RTL4: variants seen among roughly 807,000 people sequenced by gnomAD.
The protein encoded by RTL4 is retrotransposon Gag like 4, also known as retrotransposon Gag-like protein 4.
In RTL4, 4 loss-of-function variants were observed where a neutral mutation model predicts 5.3. That is an observed-to-expected ratio of 0.75 (90% CI 0.37 to 1.72). The LOEUF (loss-of-function observed/expected upper bound fraction) is 1.72, where lower values mean the gene tolerates loss of function less well. Ranked by LOEUF, RTL4 falls within the 40% of genes most tolerant of loss-of-function variation. The pLI is 0.04. For synonymous variants in RTL4, 98 were observed against 87.3 expected (o/e 1.12, Z -0.68); for missense variants, 260 against 227.1 (o/e 1.14, Z -0.93).
the RTL4 span, among the ~76,000 whole-genome samples, chrX:112,353,604 G>A: frequency 7.4e-3 from 812 of 110,414 alleles, 11 homozygotes; most frequent in African/African-American, 0.026. Context: ...AACACCGCAT[G>A]TTCTCACTCA....
At chrX:112,327,925 G>A in the RTL4 span, among the ~76,000 whole-genome samples, 1 of 109,135 alleles carries the variant, frequency 9.2e-6, no homozygotes, top group Non-Finnish European at 1.9e-5. Context: ...AATTGAAGGA[G>A]AAATAAAATA....
At chrX:112,219,948 G>C in the RTL4 span, among the ~76,000 whole-genome samples, 1 of 111,425 alleles carries the variant, frequency 9.0e-6, no homozygotes, top group African/African-American at 3.3e-5. Flanking sequence ...TGTTCTTTAG[G>C]CTTGATTAAC....
At chrX:112,198,577 TATTATTCAATA>T in the RTL4 span, among the ~76,000 whole-genome samples, 1 of 111,761 alleles carries the variant, frequency 8.9e-6, no homozygotes, top group African/African-American at 3.3e-5. Context: ...TTTTGTCCTC[TATTATTCAATA>T]GTTCTGTGAA....
chrX:112,317,745 A>C, the RTL4 span, among the ~76,000 whole-genome samples: 1 of 111,920 alleles, frequency 8.9e-6, no homozygotes, highest in African/African-American at 3.3e-5. Context: ...GCACTTTTAC[A>C]TCCATCTTAT....
chrX:112,385,813 TTTTGC>T, the RTL4 span, among the ~76,000 whole-genome samples: 1 of 111,823 alleles, frequency 8.9e-6, no homozygotes, highest in Middle Eastern at 4.2e-3. Flanking sequence ...CAAAAAAAAA[TTTTGC>T]TCCAGATTAT....
the RTL4 span, among the ~76,000 whole-genome samples, chrX:112,318,050 C>T: frequency 8.9e-6 from 1 of 111,925 alleles, no homozygotes; most frequent in Admixed American, 9.5e-5. Context: ...TATTGATCAT[C>T]GTGTGTGTGT....
the RTL4 span, among the ~76,000 whole-genome samples, chrX:112,138,232 C>A: frequency 9.0e-6 from 1 of 111,643 alleles, no homozygotes. Context: ...ATGGCGGTAG[C>A]CAGGGGATTG....
chrX:112,301,026 G>A, the RTL4 span, among the ~76,000 whole-genome samples: 5 of 111,522 alleles, frequency 4.5e-5, no homozygotes, highest in Non-Finnish European at 1.9e-5. Context: ...AGAGTTAGGG[G>A]TTGCGTCTCG....
At chrX:112,228,421 T>C in the RTL4 span, among the ~76,000 whole-genome samples, 2 of 112,455 alleles carry the variant, frequency 1.8e-5, no homozygotes, top group Non-Finnish European at 3.7e-5. Flanking sequence ...TTTTAAAACA[T>C]TTGATTGACA....
the RTL4 span, among the ~76,000 whole-genome samples, chrX:112,165,713 C>A: frequency 9.0e-6 from 1 of 111,541 alleles, no homozygotes; most frequent in African/African-American, 3.3e-5. Flanking sequence ...CAGGTAACAG[C>A]CAAAAGAGAC....
chrX:112,253,382 G>A, the RTL4 span, among the ~76,000 whole-genome samples: 4 of 112,312 alleles, frequency 3.6e-5, no homozygotes, highest in South Asian at 3.7e-4. Context: ...TTAAAAATGC[G>A]TGGGGCTGTT....
At chrX:112,245,251 G>A in the RTL4 span, among the ~76,000 whole-genome samples, 1 of 111,354 alleles carries the variant, frequency 9.0e-6, no homozygotes, top group Non-Finnish European at 1.9e-5. Context: ...TGCCTTGCTA[G>A]GTTGGGGAAG....
the RTL4 span, among the ~76,000 whole-genome samples, chrX:112,406,561 C>T: frequency 9.0e-6 from 1 of 111,384 alleles, no homozygotes; most frequent in African/African-American, 3.3e-5. Flanking sequence ...CCATGCCCCC[C>T]CTCCAACACT....
the RTL4 span, among the ~76,000 whole-genome samples, chrX:112,434,711 G>A: frequency 3.6e-5 from 4 of 111,322 alleles, no homozygotes; most frequent in East Asian, 1.1e-3. Context: ...CTTCTTACCT[G>A]CTGGACCAGA....
At chrX:112,445,829 C>A in the RTL4 span, among the ~76,000 whole-genome samples, 1 of 111,796 alleles carries the variant, frequency 8.9e-6, no homozygotes, top group Admixed American at 9.6e-5. Flanking sequence ...AATGAACAAC[C>A]TTCTGTGGTG....
At chrX:112,165,720 AG>A in the RTL4 span, among the ~76,000 whole-genome samples, 3 of 111,816 alleles carry the variant, frequency 2.7e-5, no homozygotes, top group South Asian at 1.1e-3. Flanking sequence ...CAGCCAAAAG[AG>A]ACCTTTTAGG....
the RTL4 span, among the ~76,000 whole-genome samples, chrX:112,138,578 A>G: frequency 9.0e-6 from 1 of 110,889 alleles, no homozygotes; most frequent in Non-Finnish European, 1.9e-5. Flanking sequence ...ATACCTCAGT[A>G]AAGTGTTTTT....
chrX:112,097,754 G>A, the RTL4 span, among the ~76,000 whole-genome samples: 1 of 111,360 alleles, frequency 9.0e-6, no homozygotes, highest in Non-Finnish European at 1.9e-5. Flanking sequence ...ATGACAATGA[G>A]CACTTCTGGC....
chrX:112,083,112 C>A, the RTL4 span, among the ~76,000 whole-genome samples: 3 of 111,270 alleles, frequency 2.7e-5, no homozygotes, highest in Admixed American at 1.9e-4. Context: ...CATCTCTCCC[C>A]CCTCGGTACG....
Sources: gnomAD v4.1 joint callset for allele counts (sites outside exome capture counted in the v4.1 genomes callset) on GRCh38, gnomAD v4.1.1 for gene constraint, MANE v1.5 for transcripts, NCBI Gene and HGNC (gene_info 2026-07-23, HGNC 2026-07-21) for gene names.